The following TXLNB variants were observed in gnomAD, a reference collection of about 807,000 sequenced individuals.
TXLNB encodes the protein beta-taxilin.
A neutral mutation model predicts 57.4 loss-of-function variants in TXLNB; 37 were observed. The ratio of observed to expected loss-of-function variants is 0.64; its 90% CI spans 0.50 to 0.85. The LOEUF (loss-of-function observed/expected upper bound fraction) is 0.85. TXLNB is among the 40% of genes least tolerant of loss of function. The pLI, the probability that TXLNB is intolerant of heterozygous loss-of-function variation, is 0.00. For missense variants in TXLNB, 848 were observed against 825.6 expected (o/e 1.03, Z -0.33); for synonymous variants, 302 against 309.6 (o/e 0.98, Z 0.26).
chr6:139,295,460 A>G (rs1777372429), upstream of TXLNB, among the ~76,000 whole-genome samples: 1 of 152,252 alleles, frequency 6.6e-6, no homozygotes, highest in Non-Finnish European at 1.5e-5. Context: ...AATAATTTGA[A>G]AATTCAAATG....
chr6:139,236,976 G>A (rs533347104), downstream of TXLNB, among the ~76,000 whole-genome samples: 24 of 152,232 alleles, frequency 1.6e-4, no homozygotes, highest in Middle Eastern at 3.4e-3. Context: ...AACCCTGTGC[G>A]TAAAAATTCT....
chr6:139,270,692 A>G, intron 3 of TXLNB, 66 bp from the exon 4 acceptor site: 1 of 1,413,346 alleles, frequency 7.1e-7, no homozygotes, highest in South Asian at 1.2e-5. Context: ...GATAGAAAAA[A>G]AGCAAACCTA....
the TXLNB span, among the ~76,000 whole-genome samples, chr6:139,219,185 A>C: frequency 1.2e-4 from 18 of 152,246 alleles, no homozygotes; most frequent in Non-Finnish European, 2.5e-4. Context: ...TGTTCAGAGA[A>C]AAATAAACTT....
chr6:139,300,790 G>T, the TXLNB span, among the ~76,000 whole-genome samples: 1 of 152,152 alleles, frequency 6.6e-6, no homozygotes, highest in African/African-American at 2.4e-5. Context: ...AGCTACTCAG[G>T]AGGCTGAAGC....
At chr6:139,239,093 C>T (rs1278020275), downstream of TXLNB, 1 of 152,238 alleles carries the variant, frequency 6.6e-6, no homozygotes, top group Non-Finnish European at 1.5e-5. This position sits in a 1 kb window ranked among gnomAD's most constrained non-coding sequence, Gnocchi z 4.7. Flanking sequence ...TACCTTTTCT[C>T]CCTTCTTAGC....
Position 139,276,924 on chromosome 6 carries a change from T to TAA in TXLNB, c.425-5_425-4dup. ...CATTAGCAGGTTGGCTTCTTTGCCTTAAAAAAAAAAGACATGAAAAAAATA... is the reference window on the plus strand; with the variant it reads ...CATTAGCAGGTTGGCTTCTTTGCCTTAAAAAAAAAAAAGACATGAAAAAAATA... On this transcript the variant is annotated splice_region_variant and splice_polypyrimidine_tract_variant and intron_variant, in intron 2 of 9. Coordinates refer to ENST00000358430, the MANE Select transcript of TXLNB (RefSeq NM_153235.4). 1.2e-5 allele frequency: 17 copies of TAA among 1,414,970 alleles called. No homozygotes were observed. Among genetic ancestry groups the TAA allele is most frequent in the Admixed American group, 8.8e-5 (4 of 45,312 alleles). 87.7% of individuals were successfully genotyped at this position (1,414,970 alleles called of 1,614,324 possible).
At chr6:139,182,760 T>A in the TXLNB span, among the ~76,000 whole-genome samples, 1 of 152,208 alleles carries the variant, frequency 6.6e-6, no homozygotes, top group East Asian at 1.9e-4. Flanking sequence ...GTAGAAACTT[T>A]TAGCATTGTG....
the TXLNB span, among the ~76,000 whole-genome samples, chr6:139,223,383 G>T: frequency 1.3e-5 from 2 of 151,904 alleles, no homozygotes; most frequent in Non-Finnish European, 2.9e-5. Context: ...TCTAGCTCAA[G>T]AAATGAGAAA....
upstream of TXLNB, among the ~76,000 whole-genome samples, chr6:139,295,594 C>A (rs1777375756): frequency 6.6e-6 from 1 of 151,602 alleles, no homozygotes; most frequent in Non-Finnish European, 1.5e-5. Context: ...GGGGGATTTA[C>A]TTTATCATTT....
chr6:139,186,068 G>C, the TXLNB span, among the ~76,000 whole-genome samples: 5 of 152,026 alleles, frequency 3.3e-5, no homozygotes, highest in Non-Finnish European at 7.4e-5. Context: ...TTTCGGCAAA[G>C]GTACAAAGAG....
chr6:139,293,777 T>C (rs1480137151), upstream of TXLNB, among the ~76,000 whole-genome samples: 1 of 151,824 alleles, frequency 6.6e-6, no homozygotes, highest in African/African-American at 2.4e-5. Flanking sequence ...GATAAAGAAA[T>C]TCCAGTGTTG....
the TXLNB span, among the ~76,000 whole-genome samples, chr6:139,308,534 A>T: frequency 3.3e-5 from 5 of 152,192 alleles, no homozygotes; most frequent in Non-Finnish European, 7.3e-5. Flanking sequence ...TATATATTCC[A>T]ACTAATACTC....
the TXLNB span, among the ~76,000 whole-genome samples, chr6:139,210,117 A>G: frequency 6.6e-6 from 1 of 152,194 alleles, no homozygotes; most frequent in African/African-American, 2.4e-5. Flanking sequence ...AATGCTCAAC[A>G]TCACTAATTA....
At chr6:139,301,242 A>G in the TXLNB span, among the ~76,000 whole-genome samples, 2 of 152,212 alleles carry the variant, frequency 1.3e-5, no homozygotes, top group South Asian at 2.1e-4. Flanking sequence ...TTTCTCATAT[A>G]TACCCAAGAG....
At chr6:139,190,511 A>G in the TXLNB span, among the ~76,000 whole-genome samples, 11 of 152,034 alleles carry the variant, frequency 7.2e-5, no homozygotes, top group Non-Finnish European at 1.0e-4. Flanking sequence ...GGGTTTCACC[A>G]CATTGGCTAG....
the TXLNB span, chr6:139,176,862 C>T: frequency 1.3e-6 from 1 of 772,804 alleles, no homozygotes; most frequent in South Asian, 1.5e-5. This position sits in a 1 kb window ranked among gnomAD's most constrained non-coding sequence, Gnocchi z 4.5. Flanking sequence ...ATCAGTTTCC[C>T]AGCATTTTGG....
chr6:139,257,048 A>G (rs929127363), intron 6 of TXLNB, among the ~76,000 whole-genome samples: 1 of 152,198 alleles, frequency 6.6e-6, no homozygotes, highest in Non-Finnish European at 1.5e-5. Flanking sequence ...ATGAATGCCT[A>G]TTTATCAATT....
chr6:139,294,732 G>C (rs1777359868), upstream of TXLNB, among the ~76,000 whole-genome samples: 1 of 152,194 alleles, frequency 6.6e-6, no homozygotes, highest in African/African-American at 2.4e-5. Flanking sequence ...GCTCACGGCT[G>C]TAATACCAGC....
the TXLNB span, chr6:139,180,591 G>T: frequency 1.3e-5 from 2 of 152,490 alleles, no homozygotes; most frequent in African/African-American, 4.8e-5. Context: ...ATAATGGATG[G>T]GCTCCATTAA....
Sources: gnomAD v4.1 joint callset for allele counts (sites outside exome capture counted in the v4.1 genomes callset) on GRCh38, gnomAD v4.1.1 for gene constraint, Gnocchi (gnomAD v3.1) non-coding constraint, MANE v1.5 for transcripts, NCBI Gene and HGNC (gene_info 2026-07-23, HGNC 2026-07-21) for gene names.